CROCC2: variants seen among roughly 807,000 people sequenced by gnomAD.
CROCC2 encodes ciliary rootlet coiled-coil protein 2.
In CROCC2, 163 loss-of-function variants were observed where a neutral mutation model predicts 177.6. The observed-to-expected ratio is 0.92, with a 90% confidence interval of 0.81 to 1.05. The LOEUF is 1.05. CROCC2 is among the 50% of genes least tolerant of loss of function. CROCC2 has a pLI of 0.00. For synonymous variants in CROCC2, 904 were observed against 787.3 expected, an observed-to-expected ratio of 1.15 and a Z score of -2.48; for missense variants, 1,929 against 1,797.8, an observed-to-expected ratio of 1.07 and a Z score of -1.32.
At chr2:240,932,220 G>T in intron 7 of CROCC2, 98 bp from the exon 8 acceptor site, 1 of 629,558 alleles carries the variant, frequency 1.6e-6, no homozygotes, top group Non-Finnish European at 2.9e-6. Context: ...CCGGCAGGGG[G>T]GCCACCGCAC....
chr2:240,965,290 G>A, intron 22 of CROCC2, 91 bp from the exon 23 acceptor site: 1 of 1,509,336 alleles, frequency 6.6e-7, no homozygotes, highest in Non-Finnish European at 8.9e-7. Flanking sequence ...CTGCCCTCAA[G>A]GGACGTGTGA....
At chr2:240,984,543 GCACT>G (rs1401881392) in intron 28 of CROCC2, among the ~76,000 whole-genome samples, 1 of 112,958 alleles carries the variant, frequency 8.9e-6, no homozygotes, top group Non-Finnish European at 1.8e-5. Flanking sequence ...ACACACCCAG[GCACT>G]CACTCCACAC....
intron 10 of CROCC2, 135 bp downstream of exon 10, chr2:240,933,477 G>C (rs1295700226): frequency 1.8e-6 from 2 of 1,136,482 alleles, no homozygotes; most frequent in Non-Finnish European, 2.4e-6. Context: ...TTCTAGCAGA[G>C]TTGTGTGAGC....
chr2:240,935,194 G>A (rs2059460249), intron 13 of CROCC2, 132 bp downstream of exon 13: 1 of 1,234,672 alleles, frequency 8.1e-7, no homozygotes, highest in African/African-American at 1.6e-5. Flanking sequence ...TGGGGACAAG[G>A]GAGCCTGACT....
chr2:240,949,611 A>G lies in CROCC2; in HGVS notation c.2561A>G (p.Gln854Arg), dbSNP rs995924936. 13 of 1,550,378 alleles carry G rather than the reference A, an allele frequency of 8.4e-6. No homozygotes were observed. In the Admixed American group the frequency reaches 2.4e-4, roughly 28 times the overall value. Reference sequence around the variant, plus strand: ...CAGGACACGGTGCGGCTCCAGCGACAGGTGGCACAGCAGGAGCGGGAGGCA... The same window carrying G: ...CAGGACACGGTGCGGCTCCAGCGACGGGTGGCACAGCAGGAGCGGGAGGCA... ...LRQDTVRLQR[Q>R]VAQQEREAQR... The change falls in exon 17 of 32, where the codon CAG becomes CGG. Residue 854 changes from glutamine to arginine, a missense_variant. By Grantham distance (43) the Gln-to-Arg change is conservative. This residue lies in a region of CROCC2 where 1,397 missense variants were observed against 1,239.9 expected (regional missense o/e 1.13). Transcript: ENST00000690015. This position sits in a 1 kb window ranked among gnomAD's most constrained non-coding sequence, Gnocchi z 4.5.
chr2:240,922,416 T>C, intron 3 of CROCC2, 123 bp from the exon 4 acceptor site: 1 of 574,348 alleles, frequency 1.7e-6, no homozygotes, highest in Non-Finnish European at 3.2e-6. Context: ...CCCCAGCCCC[T>C]GCTGTGGGGC....
chr2:240,948,929 C>T (rs1166142319), intron 15 of CROCC2, 50 bp from the exon 16 acceptor site: 2 of 1,522,076 alleles, frequency 1.3e-6, no homozygotes, highest in Admixed American at 2.0e-5. Context: ...GAGCATTTTA[C>T]ACGCAGGATC....
intron 11 of CROCC2, 84 bp downstream of exon 11, chr2:240,933,936 A>T: frequency 7.1e-7 from 1 of 1,415,864 alleles, no homozygotes; most frequent in Non-Finnish European, 9.5e-7. Context: ...GCCTTGGGCC[A>T]CGGGTCTGCT....
chr2:240,992,797 C>A (rs887792451), intron 31 of CROCC2, among the ~76,000 whole-genome samples: 1 of 152,234 alleles, frequency 6.6e-6, no homozygotes, highest in East Asian at 1.9e-4. Context: ...TGAGAGGCAG[C>A]GTGTGGTGCT....
In CROCC2 at chr2:240,918,235, C is replaced by G. The variant is rs1180105460; in HGVS notation, c.79-491C>G. ...CTGACCCATCCTCAGCCCCCACCCCCCAACAAACACACACAAACACACTGG... is the reference window on the plus strand; with the variant it reads ...CTGACCCATCCTCAGCCCCCACCCCGCAACAAACACACACAAACACACTGG... On this transcript the variant is annotated intron_variant, in intron 1 of 31. Coordinates refer to ENST00000690015, the MANE Select transcript of CROCC2 (RefSeq NM_001351305.2). This position sits in a 1 kb window ranked among gnomAD's most constrained non-coding sequence, Gnocchi z 6.3. Among the ~76,000 whole-genome samples, 2 of 152,142 alleles carry G rather than the reference C, an allele frequency of 1.3e-5. No homozygotes were observed. Among genetic ancestry groups the G allele is most frequent in the Non-Finnish European group, 2.9e-5 (2 of 68,022 alleles).
chr2:240,979,894 G>A lies in CROCC2; in HGVS notation c.4402-2986G>A, dbSNP rs1225875365. On this transcript the variant is annotated intron_variant, in intron 27 of 31. Transcript: ENST00000690015. ...GGCTCATCCCTGCTCAGTCTCTGGG[G>A]TAGGAGCCTCAGGATCCCAGGCTCA... 8.9e-5 allele frequency among the ~76,000 whole-genome samples: 2 copies of A among 22,364 alleles called. 1 individual carries two copies. The highest frequency in any genetic ancestry group is 1.3e-4 in the Non-Finnish European group (2 of 14,986). 14.7% of individuals were successfully genotyped at this position (22,364 alleles called of 152,430 possible). A position where few individuals can be genotyped will look rare whatever the true frequency, so the allele number is the denominator to read the frequency against.
In CROCC2 at chr2:240,991,195, G is replaced by A; in HGVS notation, c.4864-1G>A. 1 of 1,546,208 alleles carries A rather than the reference G, an allele frequency of 6.5e-7. No individual in the cohort carries two copies. Among genetic ancestry groups the A allele is most frequent in the East Asian group, 2.5e-5 (1 of 40,748 alleles). On this transcript the variant is annotated splice_acceptor_variant, in intron 30 of 31. Coordinates refer to ENST00000690015, the MANE Select transcript of CROCC2 (RefSeq NM_001351305.2). LOFTEE classifies it high-confidence loss of function. ...GACCTGAGCCACTGTCCTGTCCCCAGGTGGCCAGCCTGAAGGAGCAACTGG... is the reference window on the plus strand; with the variant it reads ...GACCTGAGCCACTGTCCTGTCCCCAAGTGGCCAGCCTGAAGGAGCAACTGG...
chr2:240,986,013 C>T (rs2059838633), intron 28 of CROCC2: 2 of 453,708 alleles, frequency 4.4e-6, no homozygotes, highest in South Asian at 1.6e-5. Context: ...GCTGTCTGCA[C>T]AGTTGGGCTC....
intron 20 of CROCC2, among the ~76,000 whole-genome samples, chr2:240,961,516 T>A (rs1559605925): frequency 7.0e-6 from 1 of 143,262 alleles, no homozygotes; most frequent in Non-Finnish European, 1.5e-5. Flanking sequence ...GCACACCACA[T>A]ACAGAGTGGA....
At chr2:240,941,185 G>A (rs925208345) in intron 14 of CROCC2, among the ~76,000 whole-genome samples, 1 of 152,072 alleles carries the variant, frequency 6.6e-6, no homozygotes, top group Admixed American at 6.6e-5. Flanking sequence ...AATCATAGAC[G>A]ACACAAACAA....
In CROCC2 at chr2:240,965,919, C is replaced by T. The variant is rs1294417597; in HGVS notation, c.3887C>T (p.Thr1296Met). The T allele has an allele frequency of 1.1e-5, 16 of 1,422,756 alleles. No homozygotes were observed. The East Asian group carries it at 2.1e-4, about 19-fold the overall frequency. 88.1% of individuals were successfully genotyped at this position (1,422,756 alleles called of 1,614,324 possible). Residue 1296 changes from threonine to methionine, a missense_variant, in exon 24 of 32, where the codon ACG (threonine) becomes ATG (methionine). Coordinates refer to ENST00000690015, the MANE Select transcript of CROCC2 (RefSeq NM_001351305.2). ...AEAQLGRLCS[T>M]LRRGLGLQRQ... ...GCCCAGCTGGGCCGGCTGTGCTCCA[C>T]GCTCCGCCGTGGCCTGGGGCTCCAG...
intron 7 of CROCC2, among the ~76,000 whole-genome samples, chr2:240,931,829 G>A (rs1249824510): frequency 6.6e-6 from 1 of 152,248 alleles, no homozygotes; most frequent in Non-Finnish European, 1.5e-5. Flanking sequence ...AGCAAGACAG[G>A]ACATGGGGGC....
At chr2:240,990,797 T>A (rs1022718824) in intron 30 of CROCC2, among the ~76,000 whole-genome samples, 1 of 152,214 alleles carries the variant, frequency 6.6e-6, no homozygotes, top group African/African-American at 2.4e-5. Context: ...TTGGCCAGCC[T>A]GGTCTCAAAC....
rs970890464 is a variant in CROCC2, at chr2:240,967,427, T to C, written c.4229T>C (p.Val1410Ala). 1.1e-5 allele frequency: 14 copies of C among 1,271,188 alleles called. No individual in the cohort carries two copies. In the African/African-American group the frequency reaches 1.8e-4, roughly 16 times the overall value. The allele number at this position is 1,271,188 out of a possible 1,614,324, so 78.7% of individuals were successfully genotyped here. A position where few individuals can be genotyped will look rare whatever the true frequency, so the allele number is the denominator to read the frequency against. ...AGGTGTGCCCGGGCCCAGAGCCGCG[T>C]GGGGCAGCTGCAGAAAGCCCTGGCT... ...ECRCARAQSR[V>A]GQLQKALAEA... The change falls in exon 26 of 32, where the codon GTG (valine) becomes GCG (alanine). Residue 1410 changes from valine to alanine, a missense_variant. Physicochemically the swap from Val to Ala is moderately conservative, Grantham distance 64 (BLOSUM62 0). Transcript: ENST00000690015.
Sources: allele counts gnomAD v4.1 joint callset (sites outside exome capture counted in the v4.1 genomes callset), GRCh38; gene constraint gnomAD v4.1.1; regional missense constraint gnomAD v4.1.1; non-coding constraint Gnocchi (gnomAD v3.1); transcripts MANE v1.5; gene names NCBI Gene and HGNC (gene_info 2026-07-23, HGNC 2026-07-21).